Variants in RNF180 observed in about 807,000 individuals in gnomAD.
RNF180 encodes the protein ring finger protein 180.
In RNF180, 38 loss-of-function variants were observed where a neutral mutation model predicts 59.2. The observed-to-expected ratio is 0.64, with a 90% CI of 0.50 to 0.84. The LOEUF is 0.84. Among genes scored for constraint, RNF180 ranks in the 40% least tolerant of loss-of-function variants. The pLI, the probability that RNF180 is intolerant of heterozygous loss-of-function variation, is 0.00. For missense variants in RNF180, 705 were observed against 700.9 expected (o/e 1.01, Z -0.07); for synonymous variants, 262 against 240.3 (o/e 1.09, Z -0.84).
chr5:64,173,763 T>G (rs1023808857), intron 1 of RNF180, among the ~76,000 whole-genome samples: 2 of 151,488 alleles, frequency 1.3e-5, no homozygotes, highest in Non-Finnish European at 2.9e-5. Context: ...TCACCCAGGC[T>G]TGAGTGCAAT....
At chr5:64,216,467 A>G (rs1752633800) in intron 4 of RNF180, among the ~76,000 whole-genome samples, 1 of 152,182 alleles carries the variant, frequency 6.6e-6, no homozygotes, top group South Asian at 2.1e-4. Flanking sequence ...TAAAATGAGG[A>G]TAAACATACA....
chr5:64,311,394 G>A (rs374229734), intron 5 of RNF180, among the ~76,000 whole-genome samples: 7 of 151,826 alleles, frequency 4.6e-5, no homozygotes, highest in African/African-American at 1.2e-4. Flanking sequence ...CTAAAGTATA[G>A]TACCCAATCC....
chr5:64,364,474 CA>C (rs1301692624), intron 7 of RNF180, among the ~76,000 whole-genome samples: 1 of 151,616 alleles, frequency 6.6e-6, no homozygotes, highest in African/African-American at 2.4e-5. Context: ...TTCAATTTGC[CA>C]GTATTATGTT....
intron 7 of RNF180, among the ~76,000 whole-genome samples, chr5:64,358,689 G>A (rs1324661440): frequency 2.0e-5 from 3 of 151,426 alleles, no homozygotes; most frequent in African/African-American, 4.8e-5. Flanking sequence ...TGTGCACATT[G>A]TGCAGGTTAG....
At position 64,213,613 on chromosome 5, in the gene RNF180, G is replaced by A. The variant is rs375289875; in HGVS notation, c.287G>A (p.Gly96Asp). 6 of 1,614,082 alleles carry A rather than the reference G, an allele frequency of 3.7e-6. No individual in the cohort carries two copies. Among genetic ancestry groups the A allele is most frequent in the African/African-American group, 2.7e-5 (2 of 75,040 alleles). The change falls in exon 4 of 8, where the codon GGC (glycine) becomes GAC (aspartate). Residue 96 changes from glycine (G) to aspartate (D), a missense_variant. Coordinates refer to ENST00000389100, the MANE Select transcript of RNF180 (RefSeq NM_001113561.2). ...NCPFCGARLG[G>D]FNFVSTPKCS... ...CCTTTCTGTGGGGCCCGTTTAGGGG[G>A]CTTTAATTTTGTCAGCACTCCAAAA... is the stretch of plus-strand genomic sequence containing the variant.
intron 5 of RNF180, among the ~76,000 whole-genome samples, chr5:64,311,954 C>G (rs1034553199): frequency 6.6e-6 from 1 of 151,934 alleles, no homozygotes; most frequent in Admixed American, 6.6e-5. Context: ...GGAAAAGACC[C>G]TCTTTATTTC....
intron 7 of RNF180, among the ~76,000 whole-genome samples, chr5:64,342,544 T>C (rs967711360): frequency 6.6e-6 from 1 of 152,146 alleles, no homozygotes; most frequent in African/African-American, 2.4e-5. Flanking sequence ...ATGAAATCTC[T>C]TGTAGTCTCA....
chr5:64,278,113 A>G (rs1417664760), intron 5 of RNF180, among the ~76,000 whole-genome samples: 1 of 152,188 alleles, frequency 6.6e-6, no homozygotes. Flanking sequence ...CCATCACTCA[A>G]CTAGTTGATC....
At chr5:64,280,718 T>G (rs1204948050) in intron 5 of RNF180, among the ~76,000 whole-genome samples, 1 of 152,186 alleles carries the variant, frequency 6.6e-6, no homozygotes, top group Admixed American at 6.5e-5. Flanking sequence ...CCTTGTAGTA[T>G]AGTTTAAAGT....
chr5:64,215,515 TTATTA>T (rs1029880587), intron 4 of RNF180, among the ~76,000 whole-genome samples: 1 of 152,166 alleles, frequency 6.6e-6, no homozygotes, highest in Non-Finnish European at 1.5e-5. Flanking sequence ...AGGTAATTTT[TTATTA>T]TATTTTTGGT....
chr5:64,307,296 A>G (rs972840415), intron 5 of RNF180, among the ~76,000 whole-genome samples: 4 of 151,360 alleles, frequency 2.6e-5, no homozygotes, highest in African/African-American at 9.7e-5. Flanking sequence ...CATGAAACCT[A>G]TTTGCTATTT....
At chr5:64,235,202 G>A (rs1742361904) in intron 5 of RNF180, among the ~76,000 whole-genome samples, 1 of 152,146 alleles carries the variant, frequency 6.6e-6, no homozygotes, top group Non-Finnish European at 1.5e-5. Flanking sequence ...AGGGTCACTT[G>A]AGCCTGGGAG....
intron 7 of RNF180, among the ~76,000 whole-genome samples, chr5:64,352,289 C>T (rs1220417244): frequency 6.6e-6 from 1 of 151,582 alleles, no homozygotes; most frequent in Non-Finnish European, 1.5e-5. Context: ...TGATTCTTCT[C>T]TCTTTTCTTC....
intron 7 of RNF180, among the ~76,000 whole-genome samples, chr5:64,369,392 A>G (rs1367487642): frequency 2.0e-5 from 3 of 151,936 alleles, no homozygotes; most frequent in Admixed American, 2.0e-4. Flanking sequence ...GCACACTAGC[A>G]TGGCACATGT....
intron 2 of RNF180, among the ~76,000 whole-genome samples, chr5:64,201,818 C>A (rs540644087): frequency 6.6e-6 from 1 of 152,148 alleles, no homozygotes; most frequent in Non-Finnish European, 1.5e-5. Flanking sequence ...TGGCTCACTG[C>A]AACCTCCACC....
intron 7 of RNF180, among the ~76,000 whole-genome samples, chr5:64,361,077 A>T (rs773910045): frequency 1.3e-5 from 2 of 151,464 alleles, no homozygotes; most frequent in Non-Finnish European, 3.0e-5. Flanking sequence ...TGCTTGCAAG[A>T]TGTGCAGGCA....
intron 5 of RNF180, among the ~76,000 whole-genome samples, chr5:64,267,084 C>T (rs1744722927): frequency 6.6e-6 from 1 of 152,070 alleles, no homozygotes; most frequent in Non-Finnish European, 1.5e-5. Context: ...GCTTCTCTAC[C>T]TGTCTGAAAT....
At chr5:64,190,021 G>GT (rs573395913) in intron 1 of RNF180, among the ~76,000 whole-genome samples, 120 of 152,296 alleles carry the variant, frequency 7.9e-4, no homozygotes, top group African/African-American at 2.7e-3. Context: ...GGCTAAGGCT[G>GT]TTTCTTCCTC....
rs766086691 is a variant in RNF180, at chr5:64,212,360, GCACA to G, written c.231+209_231+212del. Among the ~76,000 whole-genome samples the G allele has an allele frequency of 2.3e-3, 353 of 150,404 alleles. 5 individuals carry two copies. The East Asian group carries it at 0.06, about 25-fold the overall frequency. ...GTGTTTTACGCACACACACACACAT[GCACA>G]CACACACATAATATATGTTACTTTT... On this transcript the variant is annotated intron_variant, in intron 3 of 7. Coordinates refer to ENST00000389100, the MANE Select transcript of RNF180 (RefSeq NM_001113561.2).
Sources: allele counts gnomAD v4.1 joint callset (sites outside exome capture counted in the v4.1 genomes callset), GRCh38; gene constraint gnomAD v4.1.1; transcripts MANE v1.5; gene names NCBI Gene and HGNC (gene_info 2026-07-23, HGNC 2026-07-21).